Variants in PIN4 observed in about 807,000 individuals in gnomAD.
PIN4 encodes peptidylprolyl cis/trans isomerase, NIMA-interacting 4, also known as peptidyl-prolyl cis-trans isomerase NIMA-interacting 4.
PIN4 carries 3 observed loss-of-function variants against 8.3 expected under a neutral mutation model. The observed-to-expected ratio is 0.36, with a 90% confidence interval of 0.16 to 0.93. PIN4 has a LOEUF of 0.93. Among genes scored for constraint, PIN4 ranks in the 40% least tolerant of loss-of-function variants. PIN4 has a pLI of 0.44. For missense variants in PIN4, 75 were observed against 100.6 expected, an observed-to-expected ratio of 0.75 and a Z score of 1.09; for synonymous variants, 18 against 32.5, an observed-to-expected ratio of 0.55 and a Z score of 1.52.
chrX:72,185,147 CAAAA>C (rs746215043), intron 1 of PIN4, among the ~76,000 whole-genome samples: 1 of 24,449 alleles, frequency 4.1e-5, no homozygotes, highest in Non-Finnish European at 7.8e-5. Context: ...GACTCCGTCT[CAAAA>C]AAAAAAAAAA....
intron 3 of PIN4, among the ~76,000 whole-genome samples, chrX:72,235,849 G>A (rs1274151371): frequency 8.9e-6 from 1 of 111,825 alleles, no homozygotes; most frequent in Non-Finnish European, 1.9e-5. Flanking sequence ...GGATATCCTC[G>A]GGAGGCCATT....
intron 3 of PIN4, among the ~76,000 whole-genome samples, chrX:72,234,223 A>T (rs1039272537): frequency 8.9e-6 from 1 of 112,677 alleles, no homozygotes; most frequent in Non-Finnish European, 1.9e-5. Flanking sequence ...GAATATCAAC[A>T]GAATCTGAAG....
intron 3 of PIN4, among the ~76,000 whole-genome samples, chrX:72,234,075 A>C (rs2043002251): frequency 9.1e-6 from 1 of 110,311 alleles, no homozygotes; most frequent in Admixed American, 9.8e-5. Flanking sequence ...GCGCCACTGC[A>C]CTCCAGCCTG....
At chrX:72,226,863 T>C (rs764891005) in intron 3 of PIN4, among the ~76,000 whole-genome samples, 2 of 111,772 alleles carry the variant, frequency 1.8e-5, no homozygotes, top group Non-Finnish European at 3.8e-5. Context: ...AAACTGCTCT[T>C]TTATAGGACA....
intron 2 of PIN4, among the ~76,000 whole-genome samples, chrX:72,194,528 G>A (rs7051115): frequency 0.02 from 2,000 of 101,826 alleles, 38 homozygotes; most frequent in African/African-American, 0.056. Context: ...GCAAGACTCC[G>A]TCTCAGAAAA....
At position 72,258,243 on chromosome X, in the gene PIN4, C is replaced by G. The variant is rs1377342129; in HGVS notation, c.313-4464C>G. Among the ~76,000 whole-genome samples, 3 of 112,116 alleles carry G rather than the reference C, an allele frequency of 2.7e-5. No individual in the cohort carries two copies. In the East Asian group the frequency reaches 8.5e-4, roughly 32 times the overall value. On this transcript the variant is annotated intron_variant, in intron 3 of 3. Transcript: ENST00000423432. Reference sequence around the variant, plus strand: ...CCTCCCCAGCTCTGCCTTGGATCGGCCCTGGCCCAGAGGACCTTTGAAACC... The same window carrying G: ...CCTCCCCAGCTCTGCCTTGGATCGGGCCTGGCCCAGAGGACCTTTGAAACC...
intron 3 of PIN4, chrX:72,238,887 C>T (rs2043033143): frequency 8.4e-7 from 1 of 1,197,069 alleles, no homozygotes; most frequent in Non-Finnish European, 1.1e-6. Context: ...GCCTCGGCTT[C>T]CGGAAACCTT....
intron 3 of PIN4, among the ~76,000 whole-genome samples, chrX:72,228,040 C>T (rs940551966): frequency 1.8e-5 from 2 of 112,149 alleles, no homozygotes; most frequent in African/African-American, 6.5e-5. Context: ...AAGTTACTTC[C>T]TCCTTCCTTT....
intron 3 of PIN4, 27 bp downstream of exon 3, chrX:72,196,931 T>G (rs1161301179): frequency 8.9e-7 from 1 of 1,126,047 alleles, no homozygotes; most frequent in Non-Finnish European, 1.2e-6. Context: ...ATTTATAATT[T>G]TCTCTCAAGG....
At chrX:72,204,200 A>C (rs1410771556) in intron 3 of PIN4, among the ~76,000 whole-genome samples, 2 of 112,581 alleles carry the variant, frequency 1.8e-5, no homozygotes, top group Non-Finnish European at 3.8e-5. Context: ...TGGAGATGGG[A>C]TCCAAGTCTA....
Position 72,195,230 on chromosome X carries a change from A to T in PIN4, c.118-1555A>T, listed in dbSNP as rs760474087. Among the ~76,000 whole-genome samples the T allele has an allele frequency of 1.8e-4, 20 of 112,540 alleles. No homozygotes were observed. In the East Asian group the frequency reaches 5.5e-3, roughly 31 times the overall value. On this transcript the variant is annotated intron_variant, in intron 2 of 3. Transcript: ENST00000373669. ...TTTTTTTAAATCCATGGCTTTATGTAAACATAGGTCAAATTTGAATACTTC... is the reference window on the plus strand; with the variant it reads ...TTTTTTTAAATCCATGGCTTTATGTTAACATAGGTCAAATTTGAATACTTC...
At chrX:72,232,433 A>G (rs1334632738) in intron 3 of PIN4, among the ~76,000 whole-genome samples, 1 of 106,788 alleles carries the variant, frequency 9.4e-6, no homozygotes, top group Non-Finnish European at 1.9e-5. Context: ...AAAAAAAAAA[A>G]AAAAAGACAT....
At chrX:72,241,167 G>A (rs1306526293) in intron 3 of PIN4, among the ~76,000 whole-genome samples, 1 of 111,530 alleles carries the variant, frequency 9.0e-6, no homozygotes, top group Non-Finnish European at 1.9e-5. Context: ...CTGGAGGCAA[G>A]CTTGGATTGG....
chrX:72,238,837 G>T (rs552460985), intron 3 of PIN4: 1 of 1,186,258 alleles, frequency 8.4e-7, no homozygotes, highest in South Asian at 1.9e-5. Context: ...CAGCGGTCCA[G>T]ACATACCTTA....
intron 3 of PIN4, chrX:72,205,466 T>C: frequency 8.3e-7 from 1 of 1,211,867 alleles, no homozygotes; most frequent in South Asian, 1.8e-5. Flanking sequence ...AAAACCATAT[T>C]AATAAGAGAC....
Position 72,190,091 on chromosome X carries a change from C to T in PIN4, c.117+3557C>T, listed in dbSNP as rs183790720. Among the ~76,000 whole-genome samples, 40 of 110,990 alleles carry T rather than the reference C, an allele frequency of 3.6e-4. No individual in the cohort carries two copies. The East Asian group carries it at 0.01, about 29-fold the overall frequency. On this transcript the variant is annotated intron_variant, in intron 2 of 3. Transcript: ENST00000373669. ...CCTCTGTTCTTCTCCTCACAGACCC[C>T]CAAGCCCTCAAGCCCACCCTAATCT... is the stretch of plus-strand genomic sequence containing the variant.
At chrX:72,259,472 G>A (rs1364839746) in intron 3 of PIN4, among the ~76,000 whole-genome samples, 1 of 109,959 alleles carries the variant, frequency 9.1e-6, no homozygotes, top group Non-Finnish European at 1.9e-5. Flanking sequence ...CACCAGCCTC[G>A]GCCTCCCAAA....
intron 1 of PIN4, among the ~76,000 whole-genome samples, chrX:72,185,909 C>A (rs1433103482): frequency 8.9e-6 from 1 of 112,403 alleles, no homozygotes; most frequent in African/African-American, 3.2e-5. Flanking sequence ...AGAACTCTTA[C>A]AAGAACTTAG....
At chrX:72,241,899 C>T (rs1173312106) in intron 3 of PIN4, among the ~76,000 whole-genome samples, 1 of 111,349 alleles carries the variant, frequency 9.0e-6, no homozygotes, top group East Asian at 2.8e-4. Context: ...AGAGTCCAGG[C>T]GCCCTGGATA....
Sources: gnomAD v4.1 joint callset for allele counts (sites outside exome capture counted in the v4.1 genomes callset) on GRCh38, gnomAD v4.1.1 for gene constraint, MANE v1.5 for transcripts, NCBI Gene and HGNC (gene_info 2026-07-23, HGNC 2026-07-21) for gene names.